The following ARPP21 variants were observed in gnomAD, a reference collection of about 807,000 sequenced individuals.
The protein encoded by ARPP21 is cAMP-regulated phosphoprotein 21.
ARPP21 carries 69 observed loss-of-function variants against 113.2 expected under a neutral mutation model. The ratio of observed to expected loss-of-function variants is 0.61; its 90% CI spans 0.50 to 0.74. The LOEUF (loss-of-function observed/expected upper bound fraction) is 0.74. ARPP21 is among the 30% of genes least tolerant of loss of function. The pLI, the probability that ARPP21 is intolerant of heterozygous loss-of-function variation, is 0.00. For missense variants in ARPP21, 1,070 were observed against 1,037.4 expected, an observed-to-expected ratio of 1.03 and a Z score of -0.43; for synonymous variants, 368 against 375.5, an observed-to-expected ratio of 0.98 and a Z score of 0.23.
chr3:35,737,038 G>T, intron 15 of ARPP21, 140 bp from the exon 16 acceptor site: 1 of 577,766 alleles, frequency 1.7e-6, no homozygotes, highest in Non-Finnish European at 3.1e-6. Flanking sequence ...TCTTCACATT[G>T]GTGAAGGTTT....
chr3:35,668,001 AG>A (rs2075197542), intron 1 of ARPP21, among the ~76,000 whole-genome samples: 1 of 150,248 alleles, frequency 6.7e-6, no homozygotes, highest in African/African-American at 2.5e-5. Context: ...AAGAAGAAGA[AG>A]AAGAAGAAGA....
chr3:35,748,449 AAAG>A (rs1055380045), intron 19 of ARPP21, among the ~76,000 whole-genome samples: 3 of 151,382 alleles, frequency 2.0e-5, no homozygotes, highest in African/African-American at 7.3e-5. Context: ...GAAAGAAAGA[AAAG>A]AAAGAAAAAG....
intron 13 of ARPP21, among the ~76,000 whole-genome samples, chr3:35,720,350 GT>G (rs1309646071): frequency 4.6e-5 from 7 of 152,138 alleles, no homozygotes; most frequent in African/African-American, 1.7e-4. Flanking sequence ...AAAAAGTTTA[GT>G]GAGTAAAGTT....
chr3:35,756,418 T>A (rs17228111), intron 19 of ARPP21, among the ~76,000 whole-genome samples: 37,729 of 151,964 alleles, frequency 0.25, 4,891 homozygotes, highest in Non-Finnish European at 0.27. Context: ...GGAGAGTATG[T>A]TACCAACGTG....
chr3:35,792,735 G>T (rs781242687), intron 20 of ARPP21, among the ~76,000 whole-genome samples: 1 of 152,198 alleles, frequency 6.6e-6, no homozygotes, highest in Non-Finnish European at 1.5e-5. Context: ...GCTTTTGAAT[G>T]CTCTCCTAAG....
chr3:35,686,567 A>G (rs2080668119), intron 5 of ARPP21, among the ~76,000 whole-genome samples: 1 of 151,692 alleles, frequency 6.6e-6, no homozygotes, highest in Non-Finnish European at 1.5e-5. Flanking sequence ...ACTGAGAACC[A>G]TTAAGAATCC....
At chr3:35,680,984 G>T (rs2078733123) in intron 2 of ARPP21, 1 of 151,810 alleles carries the variant, frequency 6.6e-6, no homozygotes, top group Non-Finnish European at 1.5e-5. Flanking sequence ...ATAGACTATT[G>T]TGAGCCTGGA....
chr3:35,756,575 A>G (rs189807612), intron 19 of ARPP21, among the ~76,000 whole-genome samples: 24 of 152,100 alleles, frequency 1.6e-4, no homozygotes, highest in South Asian at 2.1e-4. Context: ...ACTCCCACCA[A>G]TCCCTAATCA....
At chr3:35,762,039 CAT>C (rs2095796809) in intron 19 of ARPP21, among the ~76,000 whole-genome samples, 1 of 151,584 alleles carries the variant, frequency 6.6e-6, no homozygotes, top group African/African-American at 2.4e-5. Context: ...TTTCCAAACA[CAT>C]ATCCCTCAAC....
chr3:35,701,503 G>A (rs954840671), intron 9 of ARPP21, among the ~76,000 whole-genome samples: 3 of 151,564 alleles, frequency 2.0e-5, no homozygotes, highest in African/African-American at 4.8e-5. Context: ...TCAAGCTCAC[G>A]CACCTAGTAT....
At chr3:35,672,763 G>A (rs1308240546) in intron 1 of ARPP21, among the ~76,000 whole-genome samples, 1 of 152,024 alleles carries the variant, frequency 6.6e-6, no homozygotes, top group Non-Finnish European at 1.5e-5. Context: ...TCTGAGACCT[G>A]GGGAATCCAG....
At chr3:35,647,725 G>A (rs770107413) in intron 1 of ARPP21, among the ~76,000 whole-genome samples, 42 of 152,226 alleles carry the variant, frequency 2.8e-4, no homozygotes, top group South Asian at 6.2e-4. Context: ...TGTGACTATG[G>A]CCAAAGCTCT....
chr3:35,758,609 C>T (rs1198389206), intron 19 of ARPP21, among the ~76,000 whole-genome samples: 1 of 151,894 alleles, frequency 6.6e-6, no homozygotes, highest in Non-Finnish European at 1.5e-5. Context: ...GAAATATTTG[C>T]TCCCTAACTC....
chr3:35,642,053 A>T (rs895318766), intron 1 of ARPP21: 2 of 152,322 alleles, frequency 1.3e-5, no homozygotes, highest in African/African-American at 4.8e-5. Flanking sequence ...ACGTATATTT[A>T]AATAAACTTA....
At chr3:35,756,117 A>G (rs1019315370) in intron 19 of ARPP21, among the ~76,000 whole-genome samples, 13 of 152,058 alleles carry the variant, frequency 8.5e-5, no homozygotes, top group African/African-American at 1.4e-4. Flanking sequence ...GACCAACAGC[A>G]TAAGATCACA....
chr3:35,681,563 G>C (rs761158375), intron 2 of ARPP21, 151 bp from the exon 3 acceptor site: 3 of 551,442 alleles, frequency 5.4e-6, no homozygotes, highest in Non-Finnish European at 9.7e-6. Context: ...CATGCCTTGG[G>C]TACTTGATTT....
At position 35,721,660 on chromosome 3, in the gene ARPP21, A is replaced by G; in HGVS notation, c.1051A>G (p.Asn351Asp). The G allele has an allele frequency of 6.2e-7, 1 of 1,613,954 alleles. No individual in the cohort carries two copies. Among genetic ancestry groups the G allele is most frequent in the Non-Finnish European group, 8.5e-7 (1 of 1,179,932 alleles). ...TSGSRQSSSE[N>D]ELKWSDHQRA... is the part of the protein sequence containing the mutation. ...TGGGAGTCGACAGAGCAGCTCAGAAAATGAACTCAAGTGGTCTGACCACCA... is the reference window on the plus strand; with the variant it reads ...TGGGAGTCGACAGAGCAGCTCAGAAGATGAACTCAAGTGGTCTGACCACCA... The change falls in exon 14 of 21, where the codon AAT becomes GAT. Residue 351 changes from asparagine (N) to aspartate (D), a missense_variant. Asn to Asp is a conservative substitution (Grantham distance 23). Transcript: ENST00000684406.
At chr3:35,724,732 G>A (rs1272976752) in intron 14 of ARPP21, among the ~76,000 whole-genome samples, 1 of 152,124 alleles carries the variant, frequency 6.6e-6, no homozygotes, top group African/African-American at 2.4e-5. Flanking sequence ...CCTACATCCT[G>A]GAGTGTTTTT....
intron 19 of ARPP21, among the ~76,000 whole-genome samples, chr3:35,776,804 G>A (rs998941510): frequency 1.3e-5 from 2 of 151,948 alleles, no homozygotes; most frequent in African/African-American, 4.8e-5. Context: ...AGAAATCACT[G>A]CTCTCCCAGG....
Sources: gnomAD v4.1 joint callset for allele counts (sites outside exome capture counted in the v4.1 genomes callset) on GRCh38, gnomAD v4.1.1 for gene constraint, MANE v1.5 for transcripts, NCBI Gene and HGNC (gene_info 2026-07-23, HGNC 2026-07-21) for gene names.